The following TRIM37 variants were observed in gnomAD, a reference collection of about 807,000 sequenced individuals.
The protein encoded by TRIM37 is tripartite motif containing 37.
A neutral mutation model predicts 129.8 loss-of-function variants in TRIM37; 80 were observed. The observed-to-expected ratio is 0.62, with a 90% CI of 0.51 to 0.74. The LOEUF (loss-of-function observed/expected upper bound fraction) is 0.74. Ranked by LOEUF, TRIM37 falls within the 30% of genes least tolerant of loss-of-function variation. The pLI is 0.00. For synonymous variants in TRIM37, 389 were observed against 387.1 expected, an observed-to-expected ratio of 1.00 and a Z score of -0.06; for missense variants, 1,054 against 1,176.5, an observed-to-expected ratio of 0.90 and a Z score of 1.52.
At position 59,028,658 on chromosome 17, in the gene TRIM37, A is replaced by C. The variant is rs746793016; in HGVS notation, c.2014T>G (p.Leu672Val). 6 of 1,614,062 alleles carry C rather than the reference A, an allele frequency of 3.7e-6. No homozygotes were observed. The Admixed American group carries it at 8.3e-5, about 22-fold the overall frequency. The change falls in exon 19 of 24, where the codon TTA becomes GTA. Residue 672 changes from leucine to valine, a missense_variant. Leu to Val is a conservative substitution (Grantham distance 32). Coordinates refer to ENST00000262294, the MANE Select transcript of TRIM37 (RefSeq NM_015294.6). ...QQAMWRVPSD[L>V]KMLKRLKTQM... Reference sequence around the variant, plus strand: ...GTTTTGAGTCTTTTTAGCATCTTTAAATCAGAGGGCACTCGCCACATTGCC... The same window carrying C: ...GTTTTGAGTCTTTTTAGCATCTTTACATCAGAGGGCACTCGCCACATTGCC...
chr17:59,062,310 GC>G (rs2041563143), intron 11 of TRIM37, among the ~76,000 whole-genome samples: 1 of 152,070 alleles, frequency 6.6e-6, no homozygotes, highest in Non-Finnish European at 1.5e-5. Flanking sequence ...AATATAAAAG[GC>G]AAAAACTGTT....
At chr17:59,054,753 C>G (rs551072148) in intron 13 of TRIM37, among the ~76,000 whole-genome samples, 19 of 152,246 alleles carry the variant, frequency 1.2e-4, no homozygotes, top group African/African-American at 4.1e-4. Flanking sequence ...CAACCTCCAC[C>G]TGCCGGATTC....
chr17:58,985,223 C>CTGTT (rs1390612398), intron 24 of TRIM37: 2 of 152,578 alleles, frequency 1.3e-5, no homozygotes, highest in African/African-American at 4.8e-5. Context: ...AAGTTATTTA[C>CTGTT]TGTTTAAATT....
chr17:59,064,213 C>T (rs1016896132), intron 10 of TRIM37, 142 bp downstream of exon 10: 4 of 687,938 alleles, frequency 5.8e-6, no homozygotes, highest in Non-Finnish European at 1.0e-5. Flanking sequence ...ATTATCTCTA[C>T]ATTTCTAATA....
chr17:59,020,945 T>C (rs975448686), intron 19 of TRIM37, among the ~76,000 whole-genome samples: 4 of 152,154 alleles, frequency 2.6e-5, no homozygotes, highest in East Asian at 1.9e-4. Flanking sequence ...AAAATAGATC[T>C]ACCATATGAT....
intron 17 of TRIM37, 134 bp from the exon 18 acceptor site, chr17:59,032,224 A>C (rs752498128): frequency 1.3e-5 from 13 of 1,022,496 alleles, no homozygotes; most frequent in Non-Finnish European, 1.9e-5. Context: ...TCATGATAAG[A>C]AGCAGAAAGA....
chr17:59,041,990 C>A (rs1453125132), intron 16 of TRIM37, 92 bp from the exon 17 acceptor site: 7 of 864,192 alleles, frequency 8.1e-6, no homozygotes, highest in Non-Finnish European at 1.3e-5. Flanking sequence ...GCAGATTTTT[C>A]TGTGAAATAA....
chr17:59,035,918 T>C (rs2084385123), intron 17 of TRIM37, among the ~76,000 whole-genome samples: 1 of 152,128 alleles, frequency 6.6e-6, no homozygotes, highest in Non-Finnish European at 1.5e-5. Flanking sequence ...CTTGAGTTCA[T>C]TACAGCATAC....
rs1370953270 is a variant in TRIM37, at chr17:59,017,556, T to C, written c.2258-132A>G. 7 of 1,220,848 alleles carry C rather than the reference T, an allele frequency of 5.7e-6. No homozygotes were observed. In the East Asian group the frequency reaches 1.7e-4, roughly 30 times the overall value. 75.6% of individuals were successfully genotyped at this position (1,220,848 alleles called of 1,614,324 possible). A position where few individuals can be genotyped will look rare whatever the true frequency, so the allele number is the denominator to read the frequency against. On this transcript the variant is annotated intron_variant, in intron 19 of 23. Coordinates refer to ENST00000262294, the MANE Select transcript of TRIM37 (RefSeq NM_015294.6). ...CTCTACTGTCTAAAAATAAACAACA[T>C]TCTGTAGCCCCAATTGGTTTAGACT...
At chr17:59,101,677 AATATAT>A (rs1555701174) in intron 2 of TRIM37, among the ~76,000 whole-genome samples, 27 of 101,572 alleles carry the variant, frequency 2.7e-4, no homozygotes, top group East Asian at 6.0e-4. Flanking sequence ...AAAAAAAAAA[AATATAT>A]ATATATATAT....
rs1057095845 is a variant in TRIM37 at position 59,048,675 on chromosome 17, C to A, written c.1530+503G>T. Among the ~76,000 whole-genome samples the A allele has an allele frequency of 3.3e-5, 5 of 152,140 alleles. 1 individual carries two copies. In the East Asian group the frequency reaches 5.8e-4, roughly 18 times the overall value. On this transcript the variant is annotated intron_variant, in intron 15 of 23. Transcript: ENST00000262294. ...GCAGTGGCACAATCTTGGCTCACTG[C>A]AACCTCCGCCTCCTAGGTTCAAGTG...
chr17:59,019,714 A>C (rs1160362812), intron 19 of TRIM37, among the ~76,000 whole-genome samples: 1 of 152,112 alleles, frequency 6.6e-6, no homozygotes, highest in Non-Finnish European at 1.5e-5. Flanking sequence ...TCTCAAAAAA[A>C]AAAAAGTCCA....
intron 22 of TRIM37, among the ~76,000 whole-genome samples, chr17:59,009,653 C>G (rs1029029600): frequency 1.3e-5 from 2 of 152,106 alleles, no homozygotes; most frequent in African/African-American, 4.8e-5. Flanking sequence ...ACCATGTTGA[C>G]CAGGCTGGTC....
the TRIM37 span, chr17:58,972,278 A>G: frequency 1.9e-6 from 3 of 1,613,562 alleles, no homozygotes; most frequent in African/African-American, 4.0e-5. Flanking sequence ...ACAGAGAGGT[A>G]AGTATGGTCT....
chr17:59,057,091 T>A, intron 12 of TRIM37, 37 bp from the exon 13 acceptor site: 1 of 1,591,424 alleles, frequency 6.3e-7, no homozygotes, highest in Non-Finnish European at 8.6e-7. Flanking sequence ...ATACAGTTAG[T>A]AAAGTAAGAA....
intron 4 of TRIM37, among the ~76,000 whole-genome samples, chr17:59,085,786 C>T (rs535418387): frequency 2.1e-4 from 32 of 152,112 alleles, no homozygotes; most frequent in African/African-American, 6.3e-4. Context: ...AAGGTGGAAG[C>T]GACACCAATT....
intron 16 of TRIM37, among the ~76,000 whole-genome samples, chr17:59,044,165 G>A (rs1352832849): frequency 2.0e-5 from 3 of 152,116 alleles, no homozygotes; most frequent in Non-Finnish European, 4.4e-5. Flanking sequence ...AAATTAGCCA[G>A]GTGTGTTGGC....
intron 12 of TRIM37, among the ~76,000 whole-genome samples, chr17:59,057,808 G>A (rs775883115): frequency 6.6e-6 from 1 of 152,142 alleles, no homozygotes; most frequent in Non-Finnish European, 1.5e-5. Context: ...ACGGGTGTGA[G>A]CCACTGCGCC....
intron 9 of TRIM37, among the ~76,000 whole-genome samples, chr17:59,066,741 T>C (rs1006484157): frequency 6.6e-6 from 1 of 152,188 alleles, no homozygotes; most frequent in Non-Finnish European, 1.5e-5. Context: ...TAATGACAAA[T>C]TAGTGGTATG....
Sources: gnomAD v4.1 joint callset for allele counts (sites outside exome capture counted in the v4.1 genomes callset) on GRCh38, gnomAD v4.1.1 for gene constraint, MANE v1.5 for transcripts, NCBI Gene and HGNC (gene_info 2026-07-23, HGNC 2026-07-21) for gene names.